GOLIM4: variants seen among roughly 807,000 people sequenced by gnomAD.
GOLIM4 encodes golgi integral membrane protein 4, also known as 130 kDa golgi-localized phosphoprotein.
Under a neutral mutation model 107.4 loss-of-function variants are expected in GOLIM4, and 71 were observed. The ratio of observed to expected loss-of-function variants is 0.66; its 90% CI spans 0.55 to 0.81. The LOEUF (loss-of-function observed/expected upper bound fraction) is 0.81, where lower values mean the gene tolerates loss of function less well. Ranked by LOEUF, GOLIM4 falls within the 30% of genes least tolerant of loss-of-function variation. The pLI, the probability that GOLIM4 is intolerant of heterozygous loss-of-function variation, is 0.00. For synonymous variants in GOLIM4, 327 were observed against 294.8 expected, an observed-to-expected ratio of 1.11 and a Z score of -1.12; for missense variants, 830 against 826.1, an observed-to-expected ratio of 1.00 and a Z score of -0.06.
chr3:168,044,117 GGTTT>G (rs1380071760), intron 4 of GOLIM4, among the ~76,000 whole-genome samples: 3 of 152,254 alleles, frequency 2.0e-5, no homozygotes, highest in African/African-American at 7.2e-5. Context: ...GTGAAAGCAT[GGTTT>G]GCTTTAATTC....
At chr3:168,045,314 G>T (rs911525387) in intron 3 of GOLIM4, among the ~76,000 whole-genome samples, 1 of 152,128 alleles carries the variant, frequency 6.6e-6, no homozygotes, top group African/African-American at 2.4e-5. Context: ...TGGCTTAAAG[G>T]GGGAAGAGAA....
chr3:168,009,853 T>C lies in GOLIM4; in HGVS notation c.*416A>G, dbSNP rs1282144157. The C allele has an allele frequency of 1.3e-5, 2 of 155,730 alleles. No individual in the cohort carries two copies. Among genetic ancestry groups the C allele is most frequent in the African/African-American group, 4.8e-5 (2 of 41,552 alleles). 9.6% of individuals were successfully genotyped at this position (155,730 alleles called of 1,614,324 possible). A position where few individuals can be genotyped will look rare whatever the true frequency, so the allele number is the denominator to read the frequency against. ...CAATTAGTAAACAGGCCATTCTCTTTAAAGTCTGCATGGCATTTTGCAGTA... is the reference window on the plus strand; with the variant it reads ...CAATTAGTAAACAGGCCATTCTCTTCAAAGTCTGCATGGCATTTTGCAGTA... On this transcript the variant is annotated 3_prime_UTR_variant, in exon 16 of 16. Transcript: ENST00000470487.
intron 7 of GOLIM4, among the ~76,000 whole-genome samples, chr3:168,038,727 A>AT (rs939627156): frequency 1.3e-5 from 2 of 152,136 alleles, no homozygotes; most frequent in Admixed American, 6.5e-5. Flanking sequence ...CTGAAACAGC[A>AT]TTTTTTTTAA....
chr3:168,037,676 C>T (rs990470952), intron 7 of GOLIM4, among the ~76,000 whole-genome samples: 3 of 152,156 alleles, frequency 2.0e-5, no homozygotes, highest in African/African-American at 7.2e-5. Context: ...GGTACTAACA[C>T]AGGTACAGGA....
At chr3:168,036,174 T>C (rs1718641500) in intron 8 of GOLIM4, among the ~76,000 whole-genome samples, 1 of 152,208 alleles carries the variant, frequency 6.6e-6, no homozygotes, top group African/African-American at 2.4e-5. Flanking sequence ...CTTGAAAAAC[T>C]CAGATACTAC....
At chr3:168,045,246 T>G (rs1719231780) in intron 3 of GOLIM4, among the ~76,000 whole-genome samples, 1 of 152,070 alleles carries the variant, frequency 6.6e-6, no homozygotes, top group South Asian at 2.1e-4. Flanking sequence ...CGCTGGGTGC[T>G]TGAGGTAAGA....
At chr3:168,071,899 C>T (rs6779357) in intron 1 of GOLIM4, among the ~76,000 whole-genome samples, 86,510 of 151,984 alleles carry the variant, frequency 0.57, 26,450 homozygotes, top group African/African-American at 0.76. Flanking sequence ...AAGGCTGAAA[C>T]GCCTGTGACG....
chr3:168,069,734 G>C (rs1720742715), intron 1 of GOLIM4, among the ~76,000 whole-genome samples: 1 of 152,082 alleles, frequency 6.6e-6, no homozygotes, highest in Admixed American at 6.5e-5. Flanking sequence ...GCCTTTCAAA[G>C]AGCATTCAAA....
intron 1 of GOLIM4, among the ~76,000 whole-genome samples, chr3:168,051,903 C>T (rs1290817218): frequency 6.6e-6 from 1 of 151,968 alleles, no homozygotes; most frequent in South Asian, 2.1e-4. Flanking sequence ...CTGAAAAAGG[C>T]TCAAACTATA....
intron 8 of GOLIM4, among the ~76,000 whole-genome samples, chr3:168,036,223 A>G (rs1399839113): frequency 6.6e-6 from 1 of 152,214 alleles, no homozygotes; most frequent in African/African-American, 2.4e-5. Flanking sequence ...GAATAAAGAC[A>G]AAGCCATTAA....
intron 1 of GOLIM4, among the ~76,000 whole-genome samples, chr3:168,056,512 G>T (rs1244300983): frequency 6.6e-6 from 1 of 152,210 alleles, no homozygotes; most frequent in Non-Finnish European, 1.5e-5. Flanking sequence ...ACCTGGAAAA[G>T]CCACAGACAC....
Position 168,029,243 on chromosome 3 carries a change from C to T in GOLIM4, c.1493G>A (p.Gly498Glu), listed in dbSNP as rs1360126641. The T allele has an allele frequency of 1.2e-6, 2 of 1,608,268 alleles. No homozygotes were observed. The highest frequency in any genetic ancestry group is 1.7e-6 in the Non-Finnish European group (2 of 1,175,382). ...NDIVQGAEDQ[G>E]IQGEEGAYER... ...ACCACCTCCTTCCTCTCCTTGGATT[C>T]CCTGGTCCTCTGCTCCCTGAACGAT... The change falls in exon 11 of 16, where the codon GGA becomes GAA. Residue 498 changes from glycine (G) to glutamate (E), a missense_variant. By Grantham distance (98) the Gly-to-Glu change is moderately conservative. Coordinates refer to ENST00000470487, the MANE Select transcript of GOLIM4 (RefSeq NM_014498.5).
chr3:168,058,988 G>A (rs1349713722), intron 1 of GOLIM4, among the ~76,000 whole-genome samples: 1 of 152,076 alleles, frequency 6.6e-6, no homozygotes, highest in Non-Finnish European at 1.5e-5. Context: ...CAGAGGGGAA[G>A]CGAGAGAAGA....
chr3:168,090,330 G>GAA (rs112101464), intron 1 of GOLIM4, among the ~76,000 whole-genome samples: 32 of 146,368 alleles, frequency 2.2e-4, no homozygotes, highest in African/African-American at 3.2e-4. Flanking sequence ...AGCTTGACAA[G>GAA]AAAAAAAAAA....
At chr3:168,049,880 A>C (rs1020990659) in intron 1 of GOLIM4, among the ~76,000 whole-genome samples, 4 of 152,008 alleles carry the variant, frequency 2.6e-5, no homozygotes, top group African/African-American at 9.7e-5. Context: ...ATCCCATATA[A>C]AACTTCCATT....
At chr3:168,087,391 G>C (rs1365232204) in intron 1 of GOLIM4, among the ~76,000 whole-genome samples, 1 of 152,116 alleles carries the variant, frequency 6.6e-6, no homozygotes, top group African/African-American at 2.4e-5. Context: ...AGAGATTCTA[G>C]CATCAGACTG....
At chr3:168,025,140 A>T in intron 12 of GOLIM4, 45 bp from the exon 13 acceptor site, 1 of 1,482,512 alleles carries the variant, frequency 6.7e-7, no homozygotes, top group South Asian at 1.2e-5. Flanking sequence ...AAAACTGAGG[A>T]TCAAGTTTAA....
At chr3:168,034,476 T>C (rs1328328652) in intron 8 of GOLIM4, among the ~76,000 whole-genome samples, 1 of 152,220 alleles carries the variant, frequency 6.6e-6, no homozygotes, top group Non-Finnish European at 1.5e-5. Flanking sequence ...TCCATGAAGA[T>C]ACTGAACCTG....
chr3:168,016,977 G>A (rs1049223105), intron 14 of GOLIM4, among the ~76,000 whole-genome samples: 2 of 149,326 alleles, frequency 1.3e-5, no homozygotes, highest in African/African-American at 5.1e-5. Flanking sequence ...CACCAGCATG[G>A]CACATGTATA....
Sources: allele counts gnomAD v4.1 joint callset (sites outside exome capture counted in the v4.1 genomes callset), GRCh38; gene constraint gnomAD v4.1.1; transcripts MANE v1.5; gene names NCBI Gene and HGNC (gene_info 2026-07-23, HGNC 2026-07-21).